The following ASAP2 variants were observed in gnomAD, a reference collection of about 807,000 sequenced individuals.
ASAP2 encodes ArfGAP with SH3 domain, ankyrin repeat and PH domain 2.
In ASAP2, 45 loss-of-function variants were observed where a neutral mutation model predicts 131.4. The ratio of observed to expected loss-of-function variants is 0.34; its 90% CI spans 0.27 to 0.44. The LOEUF is 0.44. ASAP2 is among the 20% of genes least tolerant of loss of function. ASAP2 has a pLI of 1.00. For missense variants in ASAP2, 1,011 were observed against 1,297.0 expected (o/e 0.78, Z 3.39); for synonymous variants, 510 against 503.0 (o/e 1.01, Z -0.19).
chr2:9,339,594 T>A (rs1220875291), intron 9 of ASAP2, among the ~76,000 whole-genome samples: 1 of 152,192 alleles, frequency 6.6e-6, no homozygotes, highest in African/African-American at 2.4e-5. Flanking sequence ...GATACCGTAG[T>A]GACCAAATTC....
At chr2:9,368,640 C>A in intron 16 of ASAP2, 121 bp downstream of exon 16, 1 of 781,146 alleles carries the variant, frequency 1.3e-6, no homozygotes, top group Non-Finnish European at 2.1e-6. Context: ...GGGAATAAAT[C>A]AGCCTATGTT....
At chr2:9,349,180 A>G (rs1672172287) in intron 11 of ASAP2, among the ~76,000 whole-genome samples, 1 of 152,198 alleles carries the variant, frequency 6.6e-6, no homozygotes, top group Non-Finnish European at 1.5e-5. Flanking sequence ...AAATGTAGCT[A>G]TTGTTATTCA....
intron 1 of ASAP2, among the ~76,000 whole-genome samples, chr2:9,234,164 ATGTTCC>A (rs1307557182): frequency 6.6e-6 from 1 of 151,502 alleles, no homozygotes; most frequent in East Asian, 1.9e-4. Context: ...AGGTGAAGCA[ATGTTCC>A]CTGGGTCACT....
rs558480115 is a variant in ASAP2, at chr2:9,344,033, C to T, written c.850-499C>T. ...TTCACATGTGTGATCCTATTGAGTC[C>T]TTACTGTTTATTGGCCTTACTGGGT... On this transcript the variant is annotated intron_variant, in intron 9 of 27. Coordinates refer to ENST00000281419, the MANE Select transcript of ASAP2 (RefSeq NM_003887.3). Among the ~76,000 whole-genome samples, 5 of 152,248 alleles carry T rather than the reference C, an allele frequency of 3.3e-5. No homozygotes were observed. In the East Asian group the frequency reaches 9.6e-4, roughly 29 times the overall value.
At chr2:9,284,798 TGTAGGA>T (rs1323695339) in intron 2 of ASAP2, among the ~76,000 whole-genome samples, 1 of 152,146 alleles carries the variant, frequency 6.6e-6, no homozygotes, top group African/African-American at 2.4e-5. Flanking sequence ...GCTTTCTTAG[TGTAGGA>T]GGGGTGAACT....
Position 9,364,467 on chromosome 2 carries a change from T to C in ASAP2, c.1462-3958T>C, listed in dbSNP as rs538319390. Among the ~76,000 whole-genome samples, 7 of 152,358 alleles carry C rather than the reference T, an allele frequency of 4.6e-5. No homozygotes were observed. In the East Asian group the frequency reaches 1.3e-3, roughly 29 times the overall value. On this transcript the variant is annotated intron_variant, in intron 15 of 27. Transcript: ENST00000281419. ...CTATAGTGAACTGAGATTGTGCCACTGCTCTCCAGCCTGGGTGACAGAGTA... is the reference window on the plus strand; with the variant it reads ...CTATAGTGAACTGAGATTGTGCCACCGCTCTCCAGCCTGGGTGACAGAGTA...
chr2:9,324,674 A>G (rs970686013), intron 6 of ASAP2, among the ~76,000 whole-genome samples: 1 of 152,086 alleles, frequency 6.6e-6, no homozygotes, highest in African/African-American at 2.4e-5. Flanking sequence ...TGACCTCCCA[A>G]AGGTTCTACC....
Position 9,207,288 on chromosome 2 carries a change from G to T in ASAP2, c.126+58G>T. ...GGTATCCCGCGCCCCAGCCCCGCCC[G>T]CCGCTCCCGCATCCGCATCCCGAGA... On this transcript the variant is annotated intron_variant, in intron 1 of 27. Coordinates refer to ENST00000281419, the MANE Select transcript of ASAP2 (RefSeq NM_003887.3). This position sits in a 1 kb window ranked among gnomAD's most constrained non-coding sequence, Gnocchi z 4.1. 6.8e-7 allele frequency: 1 copy of T among 1,465,848 alleles called. No homozygotes were observed. Among genetic ancestry groups the T allele is most frequent in the South Asian group, 1.3e-5 (1 of 75,678 alleles). 90.8% of individuals were successfully genotyped at this position (1,465,848 alleles called of 1,614,324 possible).
intron 1 of ASAP2, among the ~76,000 whole-genome samples, chr2:9,276,832 G>A (rs1237421018): frequency 6.6e-6 from 1 of 152,068 alleles, no homozygotes; most frequent in African/African-American, 2.4e-5. Flanking sequence ...GAGCCACTGC[G>A]CATGGTCTCT....
chr2:9,216,616 A>G (rs577397253), intron 1 of ASAP2, among the ~76,000 whole-genome samples: 29 of 151,862 alleles, frequency 1.9e-4, no homozygotes, highest in Non-Finnish European at 3.7e-4. Flanking sequence ...GCCAACCACC[A>G]CACCCAGCTA....
At chr2:9,282,557 G>A (rs1437807089) in intron 2 of ASAP2, among the ~76,000 whole-genome samples, 1 of 152,160 alleles carries the variant, frequency 6.6e-6, no homozygotes, top group Non-Finnish European at 1.5e-5. Flanking sequence ...GAGTGCCAGC[G>A]ACCACAGTTG....
At chr2:9,307,620 A>G (rs1258134775) in intron 3 of ASAP2, among the ~76,000 whole-genome samples, 1 of 152,128 alleles carries the variant, frequency 6.6e-6, no homozygotes, top group East Asian at 1.9e-4. Flanking sequence ...CCTTTATTCT[A>G]GTGGAGAAGG....
intron 1 of ASAP2, among the ~76,000 whole-genome samples, chr2:9,226,956 T>G (rs1662813313): frequency 6.6e-6 from 1 of 152,110 alleles, no homozygotes; most frequent in African/African-American, 2.4e-5. Flanking sequence ...GATAGGCTGT[T>G]GTCAGTGGAG....
intron 1 of ASAP2, among the ~76,000 whole-genome samples, chr2:9,216,172 A>T (rs564281285): frequency 7.2e-5 from 11 of 152,118 alleles, no homozygotes; most frequent in Non-Finnish European, 1.5e-4. Context: ...TTTAAGGGAG[A>T]CTTTGCAGTG....
intron 27 of ASAP2, among the ~76,000 whole-genome samples, chr2:9,402,071 C>G (rs1202675553): frequency 2.6e-5 from 4 of 152,346 alleles, no homozygotes; most frequent in Middle Eastern, 3.4e-3. Flanking sequence ...ACAGTAGACG[C>G]AAGTGGCACA....
intron 3 of ASAP2, among the ~76,000 whole-genome samples, chr2:9,309,901 G>C (rs1230083446): frequency 6.6e-6 from 1 of 152,154 alleles, no homozygotes; most frequent in Admixed American, 6.5e-5. Flanking sequence ...GACATCACAG[G>C]TCCAAAGCCC....
In ASAP2 at chr2:9,268,489, G is replaced by A. The variant is rs893173604; in HGVS notation, c.127-10828G>A. ...GGCCTGGCTTTATTCCCACAAGGGG[G>A]GAGGTTCGTTATTGCTCTGGCTTTA... On this transcript the variant is annotated intron_variant, in intron 1 of 27. Coordinates refer to ENST00000281419, the MANE Select transcript of ASAP2 (RefSeq NM_003887.3). The surrounding 1 kb of genome is among the most constrained non-coding windows in gnomAD (Gnocchi z 4.1). Among the ~76,000 whole-genome samples the A allele has an allele frequency of 2.0e-5, 3 of 152,198 alleles. No individual in the cohort carries two copies. Among genetic ancestry groups the A allele is most frequent in the African/African-American group, 2.4e-5 (1 of 41,444 alleles).
chr2:9,367,042 T>TTTTTTTTTTTTTTTG (rs1218468356), intron 15 of ASAP2, among the ~76,000 whole-genome samples: 1 of 150,670 alleles, frequency 6.6e-6, no homozygotes, highest in African/African-American at 2.5e-5. Context: ...TTTTTTTTTT[T>TTTTTTTTTTTTTTTG]TTTGTAGAGA....
intron 1 of ASAP2, among the ~76,000 whole-genome samples, chr2:9,273,828 T>A (rs1666573382): frequency 1.3e-5 from 2 of 152,256 alleles, no homozygotes; most frequent in South Asian, 2.1e-4. Context: ...AATAGTGATG[T>A]TATGCAGCCT....
Sources: allele counts gnomAD v4.1 joint callset (sites outside exome capture counted in the v4.1 genomes callset), GRCh38; gene constraint gnomAD v4.1.1; non-coding constraint Gnocchi (gnomAD v3.1); transcripts MANE v1.5; gene names NCBI Gene and HGNC (gene_info 2026-07-23, HGNC 2026-07-21).